The following AHI1 variants were observed in gnomAD, a reference collection of about 807,000 sequenced individuals.
AHI1 encodes jouberin.
AHI1 carries 123 observed loss-of-function variants against 149.3 expected under a neutral mutation model. The ratio of observed to expected loss-of-function variants is 0.82; its 90% CI spans 0.71 to 0.96. The LOEUF (loss-of-function observed/expected upper bound fraction) is 0.96, where lower values mean the gene tolerates loss of function less well. Ranked by LOEUF, AHI1 falls within the 40% of genes least tolerant of loss-of-function variation. The pLI, the probability that AHI1 is intolerant of heterozygous loss-of-function variation, is 0.00. For missense variants in AHI1, 1,439 were observed against 1,422.7 expected (o/e 1.01, Z -0.18); for synonymous variants, 475 against 459.8 (o/e 1.03, Z -0.42).
intron 24 of AHI1, among the ~76,000 whole-genome samples, chr6:135,340,658 C>CATATATATATATATAT (rs71006759): frequency 2.6e-5 from 1 of 38,064 alleles, no homozygotes; most frequent in Non-Finnish European, 4.3e-5. Context: ...TACATACATA[C>CATATATATATATATAT]ATATATATAT....
At chr6:135,336,898 G>A (rs1019386555) in intron 24 of AHI1, among the ~76,000 whole-genome samples, 1 of 152,052 alleles carries the variant, frequency 6.6e-6, no homozygotes, top group Non-Finnish European at 1.5e-5. Context: ...ATATGTGTGT[G>A]CACATATACA....
At chr6:135,363,386 ATCC>A (rs1794229592) in intron 23 of AHI1, among the ~76,000 whole-genome samples, 1 of 152,106 alleles carries the variant, frequency 6.6e-6, no homozygotes, top group South Asian at 2.1e-4. Flanking sequence ...GATCAACAGG[ATCC>A]CAAGGCAGAA....
At chr6:135,491,323 A>G (rs1795216269) in intron 4 of AHI1, among the ~76,000 whole-genome samples, 1 of 152,180 alleles carries the variant, frequency 6.6e-6, no homozygotes, top group African/African-American at 2.4e-5. Context: ...TCAAATCAAG[A>G]CAAATATCCC....
At chr6:135,293,437 G>GAAAGA (rs1255180487) in intron 27 of AHI1, among the ~76,000 whole-genome samples, 6 of 104,422 alleles carry the variant, frequency 5.7e-5, no homozygotes, top group Non-Finnish European at 1.3e-4. Flanking sequence ...AAAAAAGAAA[G>GAAAGA]AAAGAAAAGG....
chr6:135,386,348 C>T (rs7773987), intron 23 of AHI1, among the ~76,000 whole-genome samples: 91,260 of 151,124 alleles, frequency 0.6, 27,635 homozygotes, highest in Middle Eastern at 0.71. Flanking sequence ...TCTCGCTCTT[C>T]CGCCCAGGCT....
intron 24 of AHI1, among the ~76,000 whole-genome samples, chr6:135,349,259 A>G (rs1791707407): frequency 1.3e-5 from 2 of 152,238 alleles, no homozygotes. Context: ...AAGTGCTGGC[A>G]GGCATGCGCC....
intron 14 of AHI1, among the ~76,000 whole-genome samples, chr6:135,440,414 G>A (rs778153598): frequency 6.6e-6 from 1 of 152,176 alleles, no homozygotes; most frequent in Non-Finnish European, 1.5e-5. Flanking sequence ...ACAAAAAACC[G>A]GGCATGAGAT....
chr6:135,358,570 G>C (rs980743322), intron 23 of AHI1, among the ~76,000 whole-genome samples: 3 of 152,208 alleles, frequency 2.0e-5, no homozygotes, highest in Non-Finnish European at 2.9e-5. Context: ...GGGCTATGAA[G>C]TGAATCACTA....
intron 20 of AHI1, among the ~76,000 whole-genome samples, chr6:135,415,499 T>C (rs1356712449): frequency 1.3e-5 from 2 of 152,202 alleles, no homozygotes; most frequent in East Asian, 3.8e-4. Context: ...TTTTAATGAT[T>C]GCCAAGATTG....
chr6:135,324,022 G>A (rs1481573809), intron 24 of AHI1, among the ~76,000 whole-genome samples: 3 of 152,084 alleles, frequency 2.0e-5, no homozygotes, highest in South Asian at 2.1e-4. Flanking sequence ...GGCTGCACAG[G>A]CATTTAAAAA....
rs1784039251 is a variant in AHI1, at chr6:135,427,263, T to C, written c.2668A>G (p.Ile890Val). The change falls in exon 20 of 29, where the codon ATT becomes GTT. Residue 890 changes from isoleucine to valine, a missense_variant. Coordinates refer to ENST00000265602, the MANE Select transcript of AHI1 (RefSeq NM_001134831.2). ...AATGGATGATAAGAAATGTCTCGAA[T>C]GGGTGACTTGAATGGCAAGTCAGAA... ...MYSDLPFKSP[I>V]RDISYHPFEN... The C allele has an allele frequency of 6.2e-7, 1 of 1,610,402 alleles. No individual in the cohort carries two copies. The highest frequency in any genetic ancestry group is 8.5e-7 in the Non-Finnish European group (1 of 1,177,638).
chr6:135,347,892 T>C (rs1562548663), intron 24 of AHI1, among the ~76,000 whole-genome samples: 1 of 152,228 alleles, frequency 6.6e-6, no homozygotes, highest in Non-Finnish European at 1.5e-5. Flanking sequence ...CATAAGATAG[T>C]GCCAGCCAGA....
intron 24 of AHI1, among the ~76,000 whole-genome samples, chr6:135,340,263 T>G (rs1790082020): frequency 6.6e-6 from 1 of 151,968 alleles, no homozygotes; most frequent in African/African-American, 2.4e-5. Flanking sequence ...TCTCAGCTAC[T>G]GAGGAGGCTG....
chr6:135,483,986 T>C (rs1794102199), intron 5 of AHI1, among the ~76,000 whole-genome samples: 1 of 152,220 alleles, frequency 6.6e-6, no homozygotes, highest in Non-Finnish European at 1.5e-5. Context: ...CTGGGCAATT[T>C]ACAAATGAAA....
At chr6:135,394,185 G>GTA (rs2128484137) in intron 23 of AHI1, among the ~76,000 whole-genome samples, 1 of 152,044 alleles carries the variant, frequency 6.6e-6, no homozygotes, top group South Asian at 2.1e-4. Flanking sequence ...AACAGAAAAA[G>GTA]TCATCTTTCA....
intron 11 of AHI1, among the ~76,000 whole-genome samples, chr6:135,450,796 T>C (rs899736250): frequency 1.3e-5 from 2 of 152,090 alleles, no homozygotes; most frequent in African/African-American, 4.8e-5. Flanking sequence ...CTCAGATAAA[T>C]AAGGCTTTAT....
At chr6:135,359,739 A>T (rs1793558035) in intron 23 of AHI1, among the ~76,000 whole-genome samples, 1 of 152,184 alleles carries the variant, frequency 6.6e-6, no homozygotes, top group South Asian at 2.1e-4. Flanking sequence ...CACTATTGTA[A>T]TCTGACTGTT....
chr6:135,481,498 G>A (rs1256650790), intron 5 of AHI1, among the ~76,000 whole-genome samples: 1 of 151,934 alleles, frequency 6.6e-6, no homozygotes, highest in Non-Finnish European at 1.5e-5. Flanking sequence ...TGCTCAAAAT[G>A]TTTTGGATTC....
chr6:135,442,685 G>A lies in AHI1; in HGVS notation c.1809C>T (p.Phe603=). 6.2e-7 allele frequency: 1 copy of A among 1,611,240 alleles called. No homozygotes were observed. The highest frequency in any genetic ancestry group is 8.5e-7 in the Non-Finnish European group (1 of 1,178,554). ...ATCCTCGTTCTCCTGCATTTAGTGA[G>A]AAGAGGTGTTTGTTTGGGATACGGC... ...QACRIPNKHL[F]SLNAGERGCF... Residue 603 remains phenylalanine, a synonymous_variant, in exon 14 of 29, where the codon TTC becomes TTT. Transcript: ENST00000265602.
Sources: gnomAD v4.1 joint callset for allele counts (sites outside exome capture counted in the v4.1 genomes callset) on GRCh38, gnomAD v4.1.1 for gene constraint, MANE v1.5 for transcripts, NCBI Gene and HGNC (gene_info 2026-07-23, HGNC 2026-07-21) for gene names.